The following ABHD12 variants were observed in gnomAD, a reference collection of about 807,000 sequenced individuals.
ABHD12 encodes the protein lysophosphatidylserine lipase ABHD12.
In ABHD12, 43 loss-of-function variants were observed where a neutral mutation model predicts 58.3. The ratio of observed to expected loss-of-function variants is 0.74; its 90% confidence interval spans 0.58 to 0.95. The LOEUF (loss-of-function observed/expected upper bound fraction) is 0.95. Among genes scored for constraint, ABHD12 ranks in the 40% least tolerant of loss-of-function variants. The probability of loss-of-function intolerance (pLI) is 0.00; values close to 1 mark genes in which losing one functional copy is unlikely to be tolerated. For synonymous variants in ABHD12, 219 were observed against 211.2 expected (o/e 1.04, Z -0.32); for missense variants, 539 against 537.2 (o/e 1.00, Z -0.03).
chr20:25,304,225 C>A (rs531823562), intron 10 of ABHD12, among the ~76,000 whole-genome samples: 1 of 152,366 alleles, frequency 6.6e-6, no homozygotes, highest in East Asian at 1.9e-4. Context: ...GAGGGCAGCG[C>A]TGGTGCACTC....
chr20:25,300,984 G>A, intron 12 of ABHD12, 100 bp from the exon 13 acceptor site: 1 of 1,294,714 alleles, frequency 7.7e-7, no homozygotes, highest in Non-Finnish European at 1.1e-6. Flanking sequence ...AGGCTGTGCA[G>A]AGAGGAGGCA....
downstream of ABHD12, among the ~76,000 whole-genome samples, chr20:25,295,849 T>A (rs1568702261): frequency 6.6e-6 from 1 of 152,188 alleles, no homozygotes; most frequent in Non-Finnish European, 1.5e-5. Context: ...ACTGTCAATG[T>A]CACTCCCTCC....
At chr20:25,327,029 C>T (rs139764884) in intron 2 of ABHD12, among the ~76,000 whole-genome samples, 1 of 152,286 alleles carries the variant, frequency 6.6e-6, no homozygotes, top group African/African-American at 2.4e-5. Context: ...TGAGTATGCC[C>T]AGAATGTTGC....
intron 1 of ABHD12, among the ~76,000 whole-genome samples, chr20:25,371,393 T>A (rs1229387064): frequency 6.6e-6 from 1 of 152,186 alleles, no homozygotes; most frequent in African/African-American, 2.4e-5. Context: ...CCTGATTTTT[T>A]AAAAACCAAA....
chr20:25,372,163 G>A (rs925696320), intron 1 of ABHD12, among the ~76,000 whole-genome samples: 5 of 151,928 alleles, frequency 3.3e-5, no homozygotes, highest in African/African-American at 1.2e-4. Flanking sequence ...CAGCACACCT[G>A]GGTGTTAACA....
chr20:25,368,233 AGGAAT>A, intron 1 of ABHD12: 1 of 1,434,598 alleles, frequency 7.0e-7, no homozygotes, highest in Non-Finnish European at 9.7e-7. Context: ...GAGCTACAGA[AGGAAT>A]GGTCTGGTGG....
chr20:25,344,154 C>T (rs1682146576), intron 1 of ABHD12, among the ~76,000 whole-genome samples: 1 of 152,150 alleles, frequency 6.6e-6, no homozygotes, highest in Non-Finnish European at 1.5e-5. Context: ...CAGTTAACAT[C>T]TTACTTAATG....
intron 3 of ABHD12, 93 bp downstream of exon 3, chr20:25,323,232 C>A: frequency 1.2e-6 from 1 of 817,102 alleles, no homozygotes; most frequent in Non-Finnish European, 2.2e-6. Context: ...AAATGAACAA[C>A]ATTTCAGAGG....
chr20:25,320,949 G>A (rs2482920), intron 3 of ABHD12, among the ~76,000 whole-genome samples: 3,795 of 152,238 alleles, frequency 0.025, 143 homozygotes, highest in African/African-American at 0.083. Context: ...TTTTAACTCA[G>A]GCCACATCGA....
At chr20:25,338,185 G>A (rs964147460) in intron 2 of ABHD12, among the ~76,000 whole-genome samples, 1 of 152,132 alleles carries the variant, frequency 6.6e-6, no homozygotes, top group African/African-American at 2.4e-5. Flanking sequence ...GCACCTCTCA[G>A]TACCTCCTGT....
At chr20:25,370,677 T>C (rs2089889183) in intron 1 of ABHD12, among the ~76,000 whole-genome samples, 1 of 152,096 alleles carries the variant, frequency 6.6e-6, no homozygotes. Flanking sequence ...GCAAGCTACT[T>C]AACCATCCAT....
downstream of ABHD12, among the ~76,000 whole-genome samples, chr20:25,299,697 C>T (rs1179154697): frequency 1.3e-5 from 2 of 152,148 alleles, no homozygotes; most frequent in Non-Finnish European, 2.9e-5. Context: ...TAGGATGCCA[C>T]GTGGGTCCCC....
chr20:25,300,924 A>C, intron 12 of ABHD12, 40 bp from the exon 13 acceptor site: 1 of 1,601,040 alleles, frequency 6.2e-7, no homozygotes, highest in Non-Finnish European at 8.6e-7. Context: ...ATTTGAGCTC[A>C]GACCAAAGAT....
chr20:25,384,333 G>T (rs1484145663), intron 1 of ABHD12, among the ~76,000 whole-genome samples: 10 of 145,180 alleles, frequency 6.9e-5, no homozygotes, highest in Admixed American at 2.1e-4. Flanking sequence ...CTGGTTTGGG[G>T]TTTTTTTTTT....
chr20:25,317,831 C>G (rs1337291013), intron 4 of ABHD12, among the ~76,000 whole-genome samples: 1 of 152,178 alleles, frequency 6.6e-6, no homozygotes. Context: ...TGTTGGCCAG[C>G]TGTTAACCTG....
intron 4 of ABHD12, among the ~76,000 whole-genome samples, chr20:25,318,505 G>A (rs918574214): frequency 8.5e-5 from 13 of 152,096 alleles, no homozygotes; most frequent in African/African-American, 2.9e-4. Context: ...GGTGGATCCC[G>A]CAGACCAGCG....
chr20:25,355,703 C>T (rs541900182), intron 1 of ABHD12, among the ~76,000 whole-genome samples: 1 of 152,108 alleles, frequency 6.6e-6, no homozygotes, highest in African/African-American at 2.4e-5. Flanking sequence ...GGATTACAGG[C>T]ACCCACCACC....
intron 1 of ABHD12, among the ~76,000 whole-genome samples, chr20:25,347,396 CT>C (rs2089533869): frequency 6.6e-6 from 1 of 152,172 alleles, no homozygotes; most frequent in South Asian, 2.1e-4. Flanking sequence ...ATGCTTCTTT[CT>C]TTCTCTCTCA....
At chr20:25,378,224 C>A (rs752010176) in intron 1 of ABHD12, among the ~76,000 whole-genome samples, 9 of 152,206 alleles carry the variant, frequency 5.9e-5, no homozygotes, top group Non-Finnish European at 1.2e-4. Context: ...CCTGTATTTT[C>A]TCTTTGCCAA....
Sources: gnomAD v4.1 joint callset for allele counts (sites outside exome capture counted in the v4.1 genomes callset) on GRCh38, gnomAD v4.1.1 for gene constraint, MANE v1.5 for transcripts, NCBI Gene and HGNC (gene_info 2026-07-23, HGNC 2026-07-21) for gene names.